The following COL10A1 variants were observed in gnomAD, a reference collection of about 807,000 sequenced individuals.
The protein encoded by COL10A1 is collagen alpha-1(X) chain.
Under a neutral mutation model 18.2 loss-of-function variants are expected in COL10A1, and 10 were observed. The observed-to-expected ratio is 0.55, with a 90% CI of 0.34 to 0.93. The LOEUF (loss-of-function observed/expected upper bound fraction) is 0.93, where lower values mean the gene tolerates loss of function less well. Ranked by LOEUF, COL10A1 falls within the 40% of genes least tolerant of loss-of-function variation. The pLI, the probability that COL10A1 is intolerant of heterozygous loss-of-function variation, is 0.02. For synonymous variants in COL10A1, 330 were observed against 316.6 expected (o/e 1.04, Z -0.45); for missense variants, 897 against 853.5 (o/e 1.05, Z -0.64).
At chr6:116,216,767 A>G in the COL10A1 span, among the ~76,000 whole-genome samples, 3 of 152,098 alleles carry the variant, frequency 2.0e-5, no homozygotes, top group Admixed American at 2.0e-4. Flanking sequence ...TATCTCTTTT[A>G]TCCTCCAACA....
At chr6:116,200,003 G>GA in the COL10A1 span, among the ~76,000 whole-genome samples, 1 of 150,984 alleles carries the variant, frequency 6.6e-6, no homozygotes, top group African/African-American at 2.5e-5. Flanking sequence ...GGAAAGTGGG[G>GA]GGGGAAGAGT....
At chr6:116,147,687 A>G (rs1779933168) in intron 1 of COL10A1, among the ~76,000 whole-genome samples, 1 of 152,214 alleles carries the variant, frequency 6.6e-6, no homozygotes, top group Non-Finnish European at 1.5e-5. Context: ...GACTTTATAT[A>G]AACTTTAAAA....
chr6:116,122,973 G>C (rs1779178587), intron 2 of COL10A1, among the ~76,000 whole-genome samples: 1 of 152,120 alleles, frequency 6.6e-6, no homozygotes, highest in African/African-American at 2.4e-5. Flanking sequence ...ATATTTCATT[G>C]ATTGTAGTGT....
At chr6:116,175,625 CTT>C in the COL10A1 span, among the ~76,000 whole-genome samples, 1 of 152,074 alleles carries the variant, frequency 6.6e-6, no homozygotes, top group Non-Finnish European at 1.5e-5. Flanking sequence ...GTTTTTTTCT[CTT>C]TGTGTTTCAG....
chr6:116,183,210 T>G, the COL10A1 span, among the ~76,000 whole-genome samples: 4 of 152,174 alleles, frequency 2.6e-5, no homozygotes, highest in Non-Finnish European at 5.9e-5. Context: ...TTCTGGGTTC[T>G]CTATTCTGTT....
the COL10A1 span, among the ~76,000 whole-genome samples, chr6:116,200,930 A>C: frequency 6.6e-6 from 1 of 152,130 alleles, no homozygotes; most frequent in Non-Finnish European, 1.5e-5. Flanking sequence ...ACAACTTACC[A>C]GTGCTTTTTT....
the COL10A1 span, among the ~76,000 whole-genome samples, chr6:116,165,893 G>A: frequency 1.3e-5 from 2 of 152,294 alleles, no homozygotes; most frequent in South Asian, 2.1e-4. Flanking sequence ...CCCCATGCAG[G>A]GTAGTAGCCC....
the COL10A1 span, among the ~76,000 whole-genome samples, chr6:116,200,411 A>G: frequency 1.3e-5 from 2 of 152,050 alleles, no homozygotes; most frequent in Admixed American, 6.6e-5. Flanking sequence ...GTTAATAATA[A>G]TGTATTGGTA....
the COL10A1 span, among the ~76,000 whole-genome samples, chr6:116,165,089 T>G: frequency 6.1e-5 from 6 of 98,290 alleles, no homozygotes; most frequent in Non-Finnish European, 1.2e-4. Context: ...AGAGCGAGAC[T>G]CCGTCTCAGA....
Position 116,119,366 on chromosome 6 carries a change from A to G in COL10A1, c.*707T>C, listed in dbSNP as rs1221333049. 6.6e-6 allele frequency: 1 copy of G among 152,436 alleles called. No individual in the cohort carries two copies. Among genetic ancestry groups the G allele is most frequent in the Non-Finnish European group, 1.5e-5 (1 of 68,060 alleles). The allele number at this position is 152,436 out of a possible 1,614,324, so 9.4% of individuals were successfully genotyped here. A position where few individuals can be genotyped will look rare whatever the true frequency, so the allele number is the denominator to read the frequency against. On this transcript the variant is annotated 3_prime_UTR_variant, in exon 3 of 3. Transcript: ENST00000651968. ...TACCTGTTTCCAAGTTATGCTGGGT[A>G]TATAAAAAGCTTCTCTGCAATCATA...
chr6:116,214,820 TAA>T, the COL10A1 span, among the ~76,000 whole-genome samples: 2 of 142,482 alleles, frequency 1.4e-5, no homozygotes, highest in African/African-American at 5.1e-5. Context: ...TAAAGTATAA[TAA>T]AAAAAAAAAG....
chr6:116,162,533 A>C (rs931749172), upstream of COL10A1, among the ~76,000 whole-genome samples: 1 of 152,148 alleles, frequency 6.6e-6, no homozygotes, highest in Non-Finnish European at 1.5e-5. Flanking sequence ...TGAGATGATC[A>C]TGTGATTTTT....
At chr6:116,188,121 T>A in the COL10A1 span, among the ~76,000 whole-genome samples, 1 of 151,850 alleles carries the variant, frequency 6.6e-6, no homozygotes, top group African/African-American at 2.4e-5. Context: ...GTCATGAGAG[T>A]GCTAATTAAA....
chr6:116,186,301 ATT>A, the COL10A1 span, among the ~76,000 whole-genome samples: 2 of 142,024 alleles, frequency 1.4e-5, no homozygotes, highest in African/African-American at 2.6e-5. Context: ...AGCTCTTAAG[ATT>A]TTTTTTTTTT....
At chr6:116,182,469 T>C in the COL10A1 span, among the ~76,000 whole-genome samples, 3 of 152,100 alleles carry the variant, frequency 2.0e-5, no homozygotes, top group Non-Finnish European at 4.4e-5. Flanking sequence ...CACACTGTTT[T>C]CCATAGTGGT....
chr6:116,172,367 G>A, the COL10A1 span, among the ~76,000 whole-genome samples: 2 of 145,110 alleles, frequency 1.4e-5, no homozygotes, highest in Admixed American at 1.4e-4. Context: ...TGTTGCCCAG[G>A]CTGGAGTGCA....
chr6:116,135,617 A>G (rs1173413048), intron 1 of COL10A1, among the ~76,000 whole-genome samples: 2 of 151,566 alleles, frequency 1.3e-5, no homozygotes. Context: ...GCTATATTTA[A>G]TATTTACTCT....
In COL10A1 at chr6:116,121,413, C is replaced by T. The variant is rs780876635; in HGVS notation, c.703G>A (p.Gly235Ser). The T allele has an allele frequency of 6.2e-7, 1 of 1,614,022 alleles. No homozygotes were observed. Among genetic ancestry groups the T allele is most frequent in the Non-Finnish European group, 8.5e-7 (1 of 1,180,004 alleles). ...ATTTCTCCCGGAAAACCTCTATCACCTTTGATGCCTGGCTGTCCTGGAACC... is the reference window on the plus strand; with the variant it reads ...ATTTCTCCCGGAAAACCTCTATCACTTTTGATGCCTGGCTGTCCTGGAACC... ...NGVPGQPGIK[G>S]DRGFPGEMGP... is the part of the protein sequence containing the mutation. The change falls in exon 3 of 3, where the codon GGT becomes AGT. Residue 235 changes from glycine (G) to serine (S), a missense_variant. Transcript: ENST00000651968.
At chr6:116,141,612 A>C (rs1257898336) in intron 1 of COL10A1, among the ~76,000 whole-genome samples, 1 of 152,018 alleles carries the variant, frequency 6.6e-6, no homozygotes, top group Non-Finnish European at 1.5e-5. Context: ...TTAGTTGACC[A>C]TTCTTTTAAT....
Sources: gnomAD v4.1 joint callset for allele counts (sites outside exome capture counted in the v4.1 genomes callset) on GRCh38, gnomAD v4.1.1 for gene constraint, MANE v1.5 for transcripts, NCBI Gene and HGNC (gene_info 2026-07-23, HGNC 2026-07-21) for gene names.